Variants in TGM3 observed in about 807,000 individuals in gnomAD.
The protein encoded by TGM3 is transglutaminase 3.
A neutral mutation model predicts 73.8 loss-of-function variants in TGM3; 52 were observed. That is an observed-to-expected ratio of 0.70 (90% CI 0.56 to 0.89). The LOEUF is 0.89. Ranked by LOEUF, TGM3 falls within the 40% of genes least tolerant of loss-of-function variation. The probability of loss-of-function intolerance (pLI) is 0.00; values close to 1 mark genes in which losing one functional copy is unlikely to be tolerated. For missense variants in TGM3, 928 were observed against 909.9 expected, an observed-to-expected ratio of 1.02 and a Z score of -0.26; for synonymous variants, 372 against 354.9, an observed-to-expected ratio of 1.05 and a Z score of -0.54.
At chr20:2,327,997 G>T in intron 8 of TGM3, 123 bp from the exon 9 acceptor site, 2 of 1,376,812 alleles carry the variant, frequency 1.5e-6, no homozygotes, top group Non-Finnish European at 2.0e-6. Flanking sequence ...CACAGTCAGG[G>T]GTGAAGGAAT....
intron 1 of TGM3, among the ~76,000 whole-genome samples, chr20:2,308,166 G>A (rs1350324131): frequency 3.3e-5 from 5 of 150,578 alleles, no homozygotes; most frequent in South Asian, 4.2e-4. Flanking sequence ...AGGTTGCAGT[G>A]AGCCGAGATC....
intron 7 of TGM3, among the ~76,000 whole-genome samples, chr20:2,322,240 T>G (rs1454988043): frequency 6.6e-6 from 1 of 152,208 alleles, no homozygotes; most frequent in Non-Finnish European, 1.5e-5. Context: ...TTTCTGATCT[T>G]ATTCACATAT....
chr20:2,340,061 GGACA>G lies in TGM3; in HGVS notation c.1934+81_1934+84del. The stretch of plus-strand genomic sequence containing the variant: ...GGGGGCCCTCCAGATCCCCTGGGTG[GGACA>G]GACAGAGCTCCCTCTGACCTTGGGT... On this transcript the variant is annotated intron_variant, in intron 12 of 12. Coordinates refer to ENST00000381458, the MANE Select transcript of TGM3 (RefSeq NM_003245.4). 5 of 1,510,458 alleles carry G rather than the reference GGACA, an allele frequency of 3.3e-6. No homozygotes were observed. The South Asian group carries it at 6.0e-5, about 18-fold the overall frequency. 93.6% of individuals were successfully genotyped at this position (1,510,458 alleles called of 1,614,324 possible).
chr20:2,317,543 C>A, intron 7 of TGM3, 58 bp downstream of exon 7: 1 of 1,603,658 alleles, frequency 6.2e-7, no homozygotes, highest in South Asian at 1.1e-5. Context: ...GCTTCTCGCT[C>A]TCACCATCCT....
rs569291828 is a variant in TGM3 at position 2,327,498 on chromosome 20, A to C, written c.1088-622A>C. Among the ~76,000 whole-genome samples the C allele has an allele frequency of 1.7e-4, 26 of 152,266 alleles. 1 individual carries two copies. Among genetic ancestry groups the C allele is most frequent in the Non-Finnish European group, 1.5e-5 (1 of 68,018 alleles). On this transcript the variant is annotated intron_variant, in intron 8 of 12. Coordinates refer to ENST00000381458, the MANE Select transcript of TGM3 (RefSeq NM_003245.4). Reference sequence around the variant, plus strand: ...TCTCAAAAAAACAAACAAACAAACAAAAAAGATATAGTTAGACTAAAGACC... The same window carrying C: ...TCTCAAAAAAACAAACAAACAAACACAAAAGATATAGTTAGACTAAAGACC...
intron 11 of TGM3, 99 bp downstream of exon 11, chr20:2,335,372 G>T: frequency 6.9e-7 from 1 of 1,458,068 alleles, no homozygotes. Flanking sequence ...CTCCCAGAGG[G>T]CAAAGGAGAG....
intron 4 of TGM3, among the ~76,000 whole-genome samples, chr20:2,312,256 C>T (rs186964823): frequency 2.3e-3 from 351 of 151,934 alleles, no homozygotes; most frequent in African/African-American, 7.9e-3. Flanking sequence ...AAAAATTGGC[C>T]AGGTGTGGTG....
rs1568631193 is a variant in TGM3, at chr20:2,328,355, G to A, written c.1323G>A (p.Lys441=). Residue 441 remains lysine, a synonymous_variant, in exon 9 of 13, where the codon AAG becomes AAA. Transcript: ENST00000381458. This position sits in a 1 kb window ranked among gnomAD's most constrained non-coding sequence, Gnocchi z 5.2. ...NARMDVTDKY[K]YPEGSDQERQ... is the part of the protein sequence containing the mutation. ...GCATGGACGTCACGGACAAGTACAAGTACCCAGAAGGTAGGAGGGACGCTG... is the reference window on the plus strand; with the variant it reads ...GCATGGACGTCACGGACAAGTACAAATACCCAGAAGGTAGGAGGGACGCTG... 21 of 1,614,034 alleles carry A rather than the reference G, an allele frequency of 1.3e-5. No homozygotes were observed. The highest frequency in any genetic ancestry group is 1.8e-5 in the Non-Finnish European group (21 of 1,180,024).
Position 2,317,368 on chromosome 20 carries a change from T to C in TGM3, c.866T>C (p.Ile289Thr). Reference sequence around the variant, plus strand: ...CTTGCAGCGCTGCGGTCTTTGGGGATTCCTTCCCGGGTGATCACCAACTTC... The same window carrying C: ...CTTGCAGCGCTGCGGTCTTTGGGGACTCCTTCCCGGGTGATCACCAACTTC... ...TLNTALRSLG[I>T]PSRVITNFNS... Residue 289 changes from isoleucine (I) to threonine (T), a missense_variant, in exon 7 of 13, where the codon ATT becomes ACT. Coordinates refer to ENST00000381458, the MANE Select transcript of TGM3 (RefSeq NM_003245.4). 3 of 1,614,190 alleles carry C rather than the reference T, an allele frequency of 1.9e-6. No homozygotes were observed. The highest frequency in any genetic ancestry group is 2.5e-6 in the Non-Finnish European group (3 of 1,180,032).
chr20:2,336,670 G>A (rs976377566), intron 11 of TGM3, among the ~76,000 whole-genome samples: 6 of 151,570 alleles, frequency 4.0e-5, no homozygotes, highest in South Asian at 2.1e-4. Context: ...CAGGATGGGG[G>A]AGTTGGTCCC....
At chr20:2,337,862 C>G (rs572662796) in intron 11 of TGM3, among the ~76,000 whole-genome samples, 1 of 152,296 alleles carries the variant, frequency 6.6e-6, no homozygotes, top group East Asian at 1.9e-4. Flanking sequence ...GTCTACTTAT[C>G]TTTAAGATAC....
intron 7 of TGM3, among the ~76,000 whole-genome samples, chr20:2,323,437 T>TAA (rs2084271676): frequency 6.6e-6 from 1 of 152,252 alleles, no homozygotes; most frequent in Non-Finnish European, 1.5e-5. Flanking sequence ...TCTGCCACCA[T>TAA]TTATCTGCCA....
intron 8 of TGM3, among the ~76,000 whole-genome samples, chr20:2,327,884 G>T (rs184251574): frequency 1.3e-5 from 2 of 152,300 alleles, no homozygotes; most frequent in African/African-American, 2.4e-5. Flanking sequence ...TGGATTAGGC[G>T]CCCGGAATGC....
At chr20:2,301,497 G>A (rs1233484118) in intron 1 of TGM3, among the ~76,000 whole-genome samples, 4 of 148,154 alleles carry the variant, frequency 2.7e-5, no homozygotes, top group Non-Finnish European at 5.9e-5. Flanking sequence ...AGCAGGTTGT[G>A]AAATCAGTTT....
intron 7 of TGM3, among the ~76,000 whole-genome samples, chr20:2,318,546 C>T (rs748515685): frequency 1.1e-4 from 17 of 152,000 alleles, no homozygotes; most frequent in African/African-American, 3.1e-4. Context: ...AAGTTATTAC[C>T]GGATGGCAAT....
chr20:2,296,115 G>A (rs1350564075), intron 1 of TGM3, 45 bp downstream of exon 1: 2 of 1,549,174 alleles, frequency 1.3e-6, no homozygotes, highest in African/African-American at 1.4e-5. Flanking sequence ...CCAGAAGCCT[G>A]TGCTTCCCCT....
chr20:2,336,095 C>T (rs541033080), intron 11 of TGM3, among the ~76,000 whole-genome samples: 17 of 152,330 alleles, frequency 1.1e-4, no homozygotes, highest in African/African-American at 3.6e-4. Context: ...TTCTCAGGAG[C>T]CCAGGAAGGT....
intron 12 of TGM3, 53 bp downstream of exon 12, chr20:2,340,040 G>GGGGGTGGGGGGGGGGGGGC: frequency 1.1e-6 from 1 of 944,846 alleles, no homozygotes; most frequent in Non-Finnish European, 1.6e-6. Context: ...GGGCGGGGGG[G>GGGGGTGGGGGGGGGGGGGC]CCCTCCAGAT....
At chr20:2,337,737 G>T (rs1399032670) in intron 11 of TGM3, among the ~76,000 whole-genome samples, 3 of 151,806 alleles carry the variant, frequency 2.0e-5, no homozygotes, top group African/African-American at 7.3e-5. Context: ...AAAAATTAGT[G>T]TTTTTCCCCA....
Sources: gnomAD v4.1 joint callset for allele counts (sites outside exome capture counted in the v4.1 genomes callset) on GRCh38, gnomAD v4.1.1 for gene constraint, Gnocchi (gnomAD v3.1) non-coding constraint, MANE v1.5 for transcripts, NCBI Gene and HGNC (gene_info 2026-07-23, HGNC 2026-07-21) for gene names.